TRAPPC12: variants seen among roughly 807,000 people sequenced by gnomAD.
TRAPPC12 encodes the protein TPR repeat protein 15.
In TRAPPC12, 61 loss-of-function variants were observed where a neutral mutation model predicts 69.2. That is an observed-to-expected ratio of 0.88 (90% CI 0.72 to 1.09). TRAPPC12 has a LOEUF of 1.09. Among genes scored for constraint, TRAPPC12 ranks in the 50% least tolerant of loss-of-function variants. The pLI is 0.00. For synonymous variants in TRAPPC12, 469 were observed against 438.9 expected (o/e 1.07, Z -0.86); for missense variants, 1,101 against 1,016.4 (o/e 1.08, Z -1.13).
At chr2:3,384,985 G>A (rs1390290744) in intron 1 of TRAPPC12, among the ~76,000 whole-genome samples, 1 of 152,096 alleles carries the variant, frequency 6.6e-6, no homozygotes, top group African/African-American at 2.4e-5. Flanking sequence ...CTTTGCATTT[G>A]AACCTTACAT....
chr2:3,450,443 G>C (rs964974897), intron 6 of TRAPPC12, among the ~76,000 whole-genome samples: 1 of 152,226 alleles, frequency 6.6e-6, no homozygotes, highest in Non-Finnish European at 1.5e-5. Flanking sequence ...TGACAGTCTG[G>C]AAACTTCCAG....
chr2:3,395,423 A>AT (rs148864205), intron 2 of TRAPPC12, among the ~76,000 whole-genome samples: 4,876 of 145,222 alleles, frequency 0.034, 154 homozygotes, highest in East Asian at 0.18. Flanking sequence ...ATGTGTTGCA[A>AT]TTTTTTTTTT....
At chr2:3,478,558 C>T (rs1666397750) in intron 10 of TRAPPC12, among the ~76,000 whole-genome samples, 1 of 152,208 alleles carries the variant, frequency 6.6e-6, no homozygotes, top group Non-Finnish European at 1.5e-5. Context: ...TGCTTGAATC[C>T]AGGAGGCGGA....
Position 3,424,517 on chromosome 2 carries a change from G to C in TRAPPC12, c.1279-8G>C. ...TAACCTATTGTTTCCATTGTATTTT[G>C]TTTTTAGCTCTGGTTTGTCAGGCTG... On this transcript the variant is annotated splice_region_variant and splice_polypyrimidine_tract_variant and intron_variant, in intron 4 of 11. Transcript: ENST00000324266. The C allele has an allele frequency of 1.2e-6, 2 of 1,611,912 alleles. No individual in the cohort carries two copies. Among genetic ancestry groups the C allele is most frequent in the Non-Finnish European group, 1.7e-6 (2 of 1,179,470 alleles).
intron 5 of TRAPPC12, among the ~76,000 whole-genome samples, chr2:3,434,932 C>T (rs1363018373): frequency 1.3e-5 from 2 of 152,198 alleles, no homozygotes; most frequent in African/African-American, 4.8e-5. Context: ...CCATCTGGAC[C>T]GAGGGACTGG....
At chr2:3,445,622 A>G (rs1345698827) in intron 6 of TRAPPC12, among the ~76,000 whole-genome samples, 1 of 152,228 alleles carries the variant, frequency 6.6e-6, no homozygotes, top group Non-Finnish European at 1.5e-5. Context: ...AGGAGATGTT[A>G]TTATCCCAAT....
At chr2:3,477,387 T>C (rs1430224046) in intron 9 of TRAPPC12, among the ~76,000 whole-genome samples, 1 of 152,258 alleles carries the variant, frequency 6.6e-6, no homozygotes, top group African/African-American at 2.4e-5. Context: ...TTATTAGTTA[T>C]TCATTTTATT....
chr2:3,386,153 T>C (rs1660479373), intron 1 of TRAPPC12, among the ~76,000 whole-genome samples: 1 of 152,222 alleles, frequency 6.6e-6, no homozygotes. Context: ...GGGAATACTA[T>C]GATGGAAGTG....
chr2:3,427,831 T>C (rs1014526225), intron 5 of TRAPPC12, among the ~76,000 whole-genome samples: 25 of 151,862 alleles, frequency 1.6e-4, no homozygotes, highest in Admixed American at 1.6e-3. Flanking sequence ...AGGCGGAGGT[T>C]GTAGTGAGCC....
At chr2:3,434,528 A>C (rs1373288533) in intron 5 of TRAPPC12, among the ~76,000 whole-genome samples, 1 of 152,242 alleles carries the variant, frequency 6.6e-6, no homozygotes, top group African/African-American at 2.4e-5. Flanking sequence ...ACTTTGCTCC[A>C]GCTATTGCTA....
chr2:3,415,642 G>A (rs1389877824), intron 3 of TRAPPC12, among the ~76,000 whole-genome samples: 1 of 151,752 alleles, frequency 6.6e-6, no homozygotes, highest in Non-Finnish European at 1.5e-5. Flanking sequence ...GATCCCAGGT[G>A]ATCCACCCAG....
intron 1 of TRAPPC12, among the ~76,000 whole-genome samples, chr2:3,386,505 G>A (rs571366684): frequency 2.8e-4 from 42 of 152,274 alleles, no homozygotes; most frequent in African/African-American, 9.4e-4. Flanking sequence ...CAGCTGTCTC[G>A]AGGGGTGTTC....
At chr2:3,392,134 T>G (rs1163033163) in intron 2 of TRAPPC12, among the ~76,000 whole-genome samples, 1 of 152,168 alleles carries the variant, frequency 6.6e-6, no homozygotes, top group African/African-American at 2.4e-5. Flanking sequence ...GAGTACTCAG[T>G]ACCTTGCAGC....
chr2:3,458,452 G>A (rs536242387), intron 7 of TRAPPC12: 89 of 986,184 alleles, frequency 9.0e-5, no homozygotes, highest in African/African-American at 8.9e-4. Context: ...GGTGGTCTCC[G>A]TTTCCGCAGG....
intron 2 of TRAPPC12, among the ~76,000 whole-genome samples, chr2:3,393,407 T>C (rs1453518787): frequency 6.6e-6 from 1 of 152,118 alleles, no homozygotes; most frequent in Non-Finnish European, 1.5e-5. Context: ...ATGCTGGGGA[T>C]GGAATGTACA....
chr2:3,413,680 T>G (rs562153399), intron 3 of TRAPPC12, among the ~76,000 whole-genome samples: 1 of 152,368 alleles, frequency 6.6e-6, no homozygotes, highest in South Asian at 2.1e-4. Flanking sequence ...ACTGTGCCAT[T>G]GTCCACAGTT....
At chr2:3,428,293 CA>C (rs1397344605) in intron 5 of TRAPPC12, among the ~76,000 whole-genome samples, 1 of 152,200 alleles carries the variant, frequency 6.6e-6, no homozygotes, top group African/African-American at 2.4e-5. Flanking sequence ...TACATTTTAG[CA>C]AAAGCGTATT....
intron 6 of TRAPPC12, chr2:3,455,643 G>C (rs1665109613): frequency 6.6e-6 from 1 of 152,178 alleles, no homozygotes; most frequent in South Asian, 2.1e-4. Context: ...TTAACACAGT[G>C]ACCTCCAGTT....
At chr2:3,397,860 G>A (rs1367401513) in intron 2 of TRAPPC12, among the ~76,000 whole-genome samples, 1 of 152,094 alleles carries the variant, frequency 6.6e-6, no homozygotes, top group Non-Finnish European at 1.5e-5. Flanking sequence ...CAGCCCACCC[G>A]CCTTAACCTC....
Sources: allele counts gnomAD v4.1 joint callset (sites outside exome capture counted in the v4.1 genomes callset), GRCh38; gene constraint gnomAD v4.1.1; transcripts MANE v1.5; gene names NCBI Gene and HGNC (gene_info 2026-07-23, HGNC 2026-07-21).